MCTP1: variants seen among roughly 807,000 people sequenced by gnomAD.
MCTP1 encodes multiple C2 and transmembrane domain-containing protein 1.
Under a neutral mutation model 120.6 loss-of-function variants are expected in MCTP1, and 69 were observed. The observed-to-expected ratio is 0.57, with a 90% CI of 0.47 to 0.70. The LOEUF (loss-of-function observed/expected upper bound fraction) is 0.70, where lower values mean the gene tolerates loss of function less well. Ranked by LOEUF, MCTP1 falls within the 30% of genes least tolerant of loss-of-function variation. The pLI is 0.00. For missense variants in MCTP1, 1,203 were observed against 1,248.8 expected (o/e 0.96, Z 0.55); for synonymous variants, 529 against 493.1 (o/e 1.07, Z -0.96).
At chr5:95,211,473 CT>C (rs1188981691) in intron 1 of MCTP1, among the ~76,000 whole-genome samples, 2 of 152,154 alleles carry the variant, frequency 1.3e-5, no homozygotes, top group African/African-American at 4.8e-5. Flanking sequence ...ACATCGGCTC[CT>C]GAGGCTTCTG....
chr5:94,752,108 A>AATACATATATATATATATATATAT, intron 19 of MCTP1, among the ~76,000 whole-genome samples: 1 of 75,802 alleles, frequency 1.3e-5, no homozygotes. Flanking sequence ...TAAATAATAA[A>AATACATATATATATATATATATAT]ATATATATAT....
intron 1 of MCTP1, among the ~76,000 whole-genome samples, chr5:95,180,531 C>T (rs1354690161): frequency 6.6e-6 from 1 of 152,116 alleles, no homozygotes; most frequent in Non-Finnish European, 1.5e-5. Flanking sequence ...GCTTTTCCAC[C>T]ACCTCTCTGG....
At chr5:95,027,733 T>C (rs1057463951) in intron 1 of MCTP1, among the ~76,000 whole-genome samples, 2 of 152,212 alleles carry the variant, frequency 1.3e-5, no homozygotes, top group Non-Finnish European at 2.9e-5. Context: ...CTCCGTACTC[T>C]TGAATGTCTG....
At chr5:95,098,399 A>C (rs1400589543) in intron 1 of MCTP1, among the ~76,000 whole-genome samples, 1 of 152,218 alleles carries the variant, frequency 6.6e-6, no homozygotes, top group Non-Finnish European at 1.5e-5. Context: ...GTTTTCTGAT[A>C]TACATAAAGT....
At chr5:94,870,361 G>A (rs1797613478) in intron 16 of MCTP1, 56 bp downstream of exon 16, 10 of 1,189,310 alleles carry the variant, frequency 8.4e-6, no homozygotes, top group Non-Finnish European at 1.2e-5. Flanking sequence ...TTACTTAGAT[G>A]TTTTACAGAT....
intron 17 of MCTP1, among the ~76,000 whole-genome samples, chr5:94,865,233 T>G (rs541277306): frequency 5.9e-5 from 9 of 151,994 alleles, no homozygotes; most frequent in Admixed American, 2.6e-4. Flanking sequence ...CCTGCATTTC[T>G]TGTGCTCTCT....
chr5:95,072,008 A>G (rs559374127), intron 1 of MCTP1, among the ~76,000 whole-genome samples: 1 of 152,000 alleles, frequency 6.6e-6, no homozygotes, highest in South Asian at 2.1e-4. Flanking sequence ...AGAGTAAACA[A>G]GTTTAGCTGT....
chr5:94,829,603 T>G (rs1211490343), intron 17 of MCTP1, among the ~76,000 whole-genome samples: 1 of 151,260 alleles, frequency 6.6e-6, no homozygotes, highest in African/African-American at 2.4e-5. Flanking sequence ...CGGGGACAGA[T>G]AAACACAACA....
chr5:95,101,232 T>G (rs13153188), intron 1 of MCTP1, among the ~76,000 whole-genome samples: 30,286 of 152,162 alleles, frequency 0.2, 3,421 homozygotes, highest in East Asian at 0.38. Context: ...TTTAAAAAAT[T>G]AAAATATAAA....
intron 1 of MCTP1, among the ~76,000 whole-genome samples, chr5:95,023,138 A>G (rs548686787): frequency 6.6e-6 from 1 of 152,320 alleles, no homozygotes; most frequent in East Asian, 1.9e-4. Context: ...CTCTGTGGGC[A>G]ACATGAAACC....
chr5:95,230,882 C>A (rs2152647713), intron 1 of MCTP1, among the ~76,000 whole-genome samples: 1 of 152,042 alleles, frequency 6.6e-6, no homozygotes, highest in South Asian at 2.1e-4. Context: ...CATAATTTCC[C>A]ATTAGCACAT....
At chr5:95,100,451 G>C (rs1368705099) in intron 1 of MCTP1, among the ~76,000 whole-genome samples, 1 of 151,996 alleles carries the variant, frequency 6.6e-6, no homozygotes, top group Non-Finnish European at 1.5e-5. Context: ...TCTTCTTATA[G>C]CTGCATTATT....
chr5:94,855,055 A>C (rs1404835869), intron 17 of MCTP1, among the ~76,000 whole-genome samples: 1 of 151,786 alleles, frequency 6.6e-6, no homozygotes, highest in African/African-American at 2.4e-5. Flanking sequence ...ATTCTAAACT[A>C]AAACTCTAAA....
intron 1 of MCTP1, among the ~76,000 whole-genome samples, chr5:95,163,046 A>C (rs964303201): frequency 2.8e-4 from 42 of 152,338 alleles, no homozygotes; most frequent in African/African-American, 1.0e-3. Context: ...TTAAAAAAAC[A>C]AAAATTACAC....
chr5:95,156,387 T>A (rs991905888), intron 1 of MCTP1, among the ~76,000 whole-genome samples: 1 of 152,192 alleles, frequency 6.6e-6, no homozygotes, highest in African/African-American at 2.4e-5. Context: ...ATTAAAGATA[T>A]TCTGAATCCA....
At chr5:94,763,098 C>T (rs1365478206) in intron 19 of MCTP1, among the ~76,000 whole-genome samples, 6 of 152,172 alleles carry the variant, frequency 3.9e-5, no homozygotes, top group African/African-American at 1.4e-4. Context: ...TTTCTATTAT[C>T]ATTTTTACTG....
In MCTP1 at chr5:95,124,628, G is replaced by C. The variant is rs1046475061; in HGVS notation, c.721-107144C>G. 2.8e-4 allele frequency among the ~76,000 whole-genome samples: 43 copies of C among 152,202 alleles called. 1 individual carries two copies. Among genetic ancestry groups the C allele is most frequent in the Non-Finnish European group, 3.8e-4 (26 of 68,034 alleles). On this transcript the variant is annotated intron_variant, in intron 1 of 22. Coordinates refer to ENST00000515393, the MANE Select transcript of MCTP1 (RefSeq NM_024717.7). ...CCTTTCCATCACTGGCATTTATGAAGCATATGCTGGGGGTAAAGTCCTATC... is the reference window on the plus strand; with the variant it reads ...CCTTTCCATCACTGGCATTTATGAACCATATGCTGGGGGTAAAGTCCTATC...
chr5:94,908,633 T>C (rs962854255), intron 10 of MCTP1, among the ~76,000 whole-genome samples: 1 of 151,952 alleles, frequency 6.6e-6, no homozygotes. Flanking sequence ...TATCAAAAAA[T>C]ATAAACATAG....
rs1240237574 is a variant in MCTP1, at chr5:94,829,379, C to T, written c.2437-30247G>A. Among the ~76,000 whole-genome samples, 5 of 152,222 alleles carry T rather than the reference C, an allele frequency of 3.3e-5. No homozygotes were observed. In the South Asian group the frequency reaches 6.2e-4, roughly 19 times the overall value. ...AATCACCTGCCTTCTGCGTTGGTCT[C>T]GCTGGGAGCTGCAGACCACAGCTGT... On this transcript the variant is annotated intron_variant, in intron 17 of 22. Coordinates refer to ENST00000515393, the MANE Select transcript of MCTP1 (RefSeq NM_024717.7).
Sources: allele counts gnomAD v4.1 joint callset (sites outside exome capture counted in the v4.1 genomes callset), GRCh38; gene constraint gnomAD v4.1.1; transcripts MANE v1.5; gene names NCBI Gene and HGNC (gene_info 2026-07-23, HGNC 2026-07-21).